The following CTXN2 variants were observed in gnomAD, a reference collection of about 807,000 sequenced individuals.
CTXN2 encodes cortexin 2, also known as cortexin-2.
CTXN2 carries 3 observed loss-of-function variants against 5.7 expected under a neutral mutation model. The ratio of observed to expected loss-of-function variants is 0.53; its 90% CI spans 0.24 to 1.36. CTXN2 has a LOEUF of 1.36. CTXN2 is among the 40% of genes most tolerant of loss of function. The pLI is 0.17. For missense variants in CTXN2, 87 were observed against 93.0 expected (o/e 0.94, Z 0.26); for synonymous variants, 38 against 36.4 (o/e 1.04, Z -0.16).
chr15:48,181,747 T>G (rs930675670), intron 1 of CTXN2, among the ~76,000 whole-genome samples: 1 of 152,062 alleles, frequency 6.6e-6, no homozygotes, highest in African/African-American at 2.4e-5. Flanking sequence ...TCTGGGGTAT[T>G]CAGAAACTCA....
At chr15:48,181,089 A>G (rs906199416) in intron 1 of CTXN2, among the ~76,000 whole-genome samples, 10 of 152,246 alleles carry the variant, frequency 6.6e-5, no homozygotes, top group African/African-American at 1.4e-4. Context: ...AATATTTTCA[A>G]TTAATACCTT....
At chr15:48,186,859 G>C (rs1421270448), upstream of CTXN2, among the ~76,000 whole-genome samples, 3 of 144,692 alleles carry the variant, frequency 2.1e-5, no homozygotes, top group Non-Finnish European at 4.5e-5. Context: ...GCAGTGAGCA[G>C]AGATCGAGCC....
At chr15:48,198,796 C>T (rs2040902935) in intron 1 of CTXN2, among the ~76,000 whole-genome samples, 1 of 152,140 alleles carries the variant, frequency 6.6e-6, no homozygotes, top group African/African-American at 2.4e-5. Flanking sequence ...GTGTCTGTGT[C>T]TACATTATGC....
upstream of CTXN2, chr15:48,189,975 A>G (rs553934161): frequency 6.6e-6 from 1 of 152,050 alleles, no homozygotes; most frequent in Non-Finnish European, 1.5e-5. Flanking sequence ...CACCCAGCTA[A>G]TTTTTGTATT....
chr15:48,179,253 C>T (rs538497555), intron 1 of CTXN2, among the ~76,000 whole-genome samples: 3 of 151,948 alleles, frequency 2.0e-5, no homozygotes, highest in East Asian at 1.9e-4. Context: ...GAAGCAAACA[C>T]GTACAGTTTA....
intron 1 of CTXN2, among the ~76,000 whole-genome samples, chr15:48,200,931 A>C (rs890252345): frequency 6.6e-6 from 1 of 152,176 alleles, no homozygotes; most frequent in African/African-American, 2.4e-5. Context: ...CAGATCAAAG[A>C]AGCAGCTATC....
chr15:48,186,814 G>A (rs1296198201), upstream of CTXN2, among the ~76,000 whole-genome samples: 1 of 151,380 alleles, frequency 6.6e-6, no homozygotes, highest in African/African-American at 2.4e-5. Flanking sequence ...GAAGGCTGAG[G>A]CAGGAGAATC....
At chr15:48,179,102 G>A (rs1344206364) in intron 1 of CTXN2, among the ~76,000 whole-genome samples, 5 of 151,978 alleles carry the variant, frequency 3.3e-5, no homozygotes, top group Admixed American at 6.6e-5. Context: ...AAATACAGTC[G>A]TAGATTTTTC....
intron 1 of CTXN2, among the ~76,000 whole-genome samples, chr15:48,197,588 A>G (rs983107217): frequency 1.3e-5 from 2 of 152,094 alleles, no homozygotes; most frequent in Admixed American, 6.6e-5. Flanking sequence ...ACATTTGGTT[A>G]ATGAATAAAT....
chr15:48,184,248 C>T (rs2040727002), intron 1 of CTXN2, among the ~76,000 whole-genome samples: 3 of 152,140 alleles, frequency 2.0e-5, no homozygotes, highest in Non-Finnish European at 2.9e-5. Flanking sequence ...ACCAGATAAA[C>T]GTTCATTCAG....
chr15:48,189,846 T>C (rs2040797020), upstream of CTXN2, among the ~76,000 whole-genome samples: 1 of 152,218 alleles, frequency 6.6e-6, no homozygotes, highest in Non-Finnish European at 1.5e-5. Flanking sequence ...TCTCGCTCTG[T>C]CACCCAGGCT....
At position 48,202,646 on chromosome 15, in the gene CTXN2, A is replaced by G. The variant is rs2040937897; in HGVS notation, c.*1100A>G. On this transcript the variant is annotated 3_prime_UTR_variant, in exon 2 of 2. Coordinates refer to ENST00000417307, the MANE Select transcript of CTXN2 (RefSeq NM_001145668.2). ...AATTAGATATAATGAATGTGAAAGC[A>G]TTTTGTAAACCATAAAACAGTATCT... The G allele has an allele frequency of 6.0e-6, 1 of 167,044 alleles. No homozygotes were observed. Among genetic ancestry groups the G allele is most frequent in the Non-Finnish European group, 1.5e-5 (1 of 68,104 alleles). The allele number at this position is 167,044 out of a possible 1,614,324, so 10.3% of individuals were successfully genotyped here. A position where few individuals can be genotyped will look rare whatever the true frequency, so the allele number is the denominator to read the frequency against.
Position 48,201,478 on chromosome 15 carries a change from C to A in CTXN2, c.178C>A (p.Pro60Thr). 3 of 1,551,060 alleles carry A rather than the reference C, an allele frequency of 1.9e-6. No individual in the cohort carries two copies. The highest frequency in any genetic ancestry group is 2.4e-5 in the South Asian group (2 of 84,040). Residue 60 changes from proline (P) to threonine (T), a missense_variant, in exon 2 of 2, where the codon CCT becomes ACT. Transcript: ENST00000417307. ...CCTGCTAGACCCATATAGTAGCATGCCTTCCTCTACATGGGAAGATGAAGT... is the reference window on the plus strand; with the variant it reads ...CCTGCTAGACCCATATAGTAGCATGACTTCCTCTACATGGGAAGATGAAGT... The part of the protein sequence containing the change: ...KILLDPYSSM[P>T]SSTWEDEVEE...
chr15:48,182,729 C>A (rs1475348639), intron 1 of CTXN2, among the ~76,000 whole-genome samples: 1 of 152,172 alleles, frequency 6.6e-6, no homozygotes. Flanking sequence ...TTGACTCAGT[C>A]AAACACTATA....
intron 1 of CTXN2, among the ~76,000 whole-genome samples, chr15:48,182,880 G>A (rs1459695311): frequency 6.6e-6 from 1 of 152,132 alleles, no homozygotes; most frequent in Non-Finnish European, 1.5e-5. Flanking sequence ...AGGAACCATG[G>A]CCAAGGATCC....
chr15:48,178,522 G>A (rs918590617), intron 1 of CTXN2: 16 of 354,438 alleles, frequency 4.5e-5, no homozygotes, highest in Non-Finnish European at 5.5e-5. Flanking sequence ...AGTCCTGAAA[G>A]CCCCCGGTGG....
chr15:48,182,334 A>G (rs191098960), intron 1 of CTXN2, among the ~76,000 whole-genome samples: 1 of 152,358 alleles, frequency 6.6e-6, no homozygotes, highest in Non-Finnish European at 1.5e-5. Context: ...CAAATAATTC[A>G]GAAAATAACC....
Position 48,201,615 on chromosome 15 carries a change from T to C in CTXN2, c.*69T>C. The C allele has an allele frequency of 6.7e-7, 1 of 1,482,322 alleles. No homozygotes were observed. The allele number at this position is 1,482,322 out of a possible 1,614,324, so 91.8% of individuals were successfully genotyped here. A position where few individuals can be genotyped will look rare whatever the true frequency, so the allele number is the denominator to read the frequency against. On this transcript the variant is annotated 3_prime_UTR_variant, in exon 2 of 2. Transcript: ENST00000417307. Reference sequence around the variant, plus strand: ...ATTCTGGATACAATTGTAACTACCTTGAGGGTGTGGGAGAGAGGCTCATTT... The same window carrying C: ...ATTCTGGATACAATTGTAACTACCTCGAGGGTGTGGGAGAGAGGCTCATTT...
At chr15:48,181,508 C>T (rs2040701741) in intron 1 of CTXN2, among the ~76,000 whole-genome samples, 1 of 152,026 alleles carries the variant, frequency 6.6e-6, no homozygotes, top group South Asian at 2.1e-4. Context: ...GGCTTACTGC[C>T]CAGGGTTCTG....
Sources: allele counts gnomAD v4.1 joint callset (sites outside exome capture counted in the v4.1 genomes callset), GRCh38; gene constraint gnomAD v4.1.1; transcripts MANE v1.5; gene names NCBI Gene and HGNC (gene_info 2026-07-23, HGNC 2026-07-21).